TMPRSS15: variants seen among roughly 807,000 people sequenced by gnomAD.
TMPRSS15 encodes the protein transmembrane serine protease 15.
TMPRSS15 carries 128 observed loss-of-function variants against 125.3 expected under a neutral mutation model. The observed-to-expected ratio is 1.02, with a 90% CI of 0.89 to 1.18. The LOEUF (loss-of-function observed/expected upper bound fraction) is 1.18. Among genes scored for constraint, TMPRSS15 ranks in the 50% most tolerant of loss-of-function variants. The pLI, the probability that TMPRSS15 is intolerant of heterozygous loss-of-function variation, is 0.00. For missense variants in TMPRSS15, 1,283 were observed against 1,212.7 expected (o/e 1.06, Z -0.86); for synonymous variants, 446 against 423.2 (o/e 1.05, Z -0.66).
intron 5 of TMPRSS15, among the ~76,000 whole-genome samples, chr21:18,376,478 C>T (rs2075844812): frequency 1.3e-5 from 2 of 152,202 alleles, no homozygotes; most frequent in African/African-American, 4.8e-5. Context: ...TGTTTTGGCC[C>T]AATTTCATGT....
At position 18,313,909 on chromosome 21, in the gene TMPRSS15, A is replaced by T. The variant is rs1174166883; in HGVS notation, c.2033-832T>A. Among the ~76,000 whole-genome samples the T allele has an allele frequency of 2.0e-5, 3 of 147,320 alleles. No homozygotes were observed. The East Asian group carries it at 6.0e-4, about 29-fold the overall frequency. ...CCTCCCCACCAAAAAAAAAAAAAAA[A>T]CCACTTTCTTTGTACTTGCTTTTAT... is the stretch of plus-strand genomic sequence containing the variant. On this transcript the variant is annotated intron_variant, in intron 17 of 24. Coordinates refer to ENST00000284885, the MANE Select transcript of TMPRSS15 (RefSeq NM_002772.3).
chr21:18,307,690 TA>T (rs1001442975), intron 18 of TMPRSS15, among the ~76,000 whole-genome samples: 8 of 152,168 alleles, frequency 5.3e-5, no homozygotes, highest in Non-Finnish European at 1.0e-4. Context: ...GATATACTGT[TA>T]AAATGTAATA....
chr21:18,285,243 C>T (rs2074748953), intron 21 of TMPRSS15, among the ~76,000 whole-genome samples: 1 of 152,008 alleles, frequency 6.6e-6, no homozygotes, highest in South Asian at 2.1e-4. Flanking sequence ...CTAGTGGTAC[C>T]TCAGATATAT....
intron 1 of TMPRSS15, among the ~76,000 whole-genome samples, chr21:18,456,388 G>T (rs1377291729): frequency 6.6e-6 from 1 of 152,052 alleles, no homozygotes; most frequent in African/African-American, 2.4e-5. Context: ...TTAAGTTACT[G>T]ATTAAAATGA....
chr21:18,315,162 T>C lies in TMPRSS15; in HGVS notation c.2016A>G (p.Ser672=). The C allele has an allele frequency of 6.2e-7, 1 of 1,613,390 alleles. No homozygotes were observed. The highest frequency in any genetic ancestry group is 8.5e-7 in the Non-Finnish European group (1 of 1,179,638). The change falls in exon 17 of 25, where the codon TCA becomes TCG. Residue 672 remains serine (S), a synonymous_variant. Transcript: ENST00000284885. ...CDGHLHCEDG[S]DEADCVRFFN... ...AAGACATACCACAATCTGCTTCATC[T>C]GAGCCATCCTCACAGTGCAGATGAC... is the stretch of plus-strand genomic sequence containing the variant.
intron 13 of TMPRSS15, 83 bp from the exon 14 acceptor site, chr21:18,332,256 T>C: frequency 1.6e-6 from 2 of 1,221,564 alleles, no homozygotes; most frequent in East Asian, 2.3e-5. Context: ...GAATTTTCAA[T>C]TACATTTCTT....
chr21:18,411,943 G>A (rs775023962), intron 1 of TMPRSS15, among the ~76,000 whole-genome samples: 1 of 152,136 alleles, frequency 6.6e-6, no homozygotes, highest in Non-Finnish European at 1.5e-5. Flanking sequence ...ACCAGGCTGG[G>A]AAAGATTGCT....
In TMPRSS15 at chr21:18,278,968, A is replaced by G; in HGVS notation, c.2760T>C (p.Tyr920=). 2.4e-6 allele frequency: 2 copies of G among 836,188 alleles called. No individual in the cohort carries two copies. Among genetic ancestry groups the G allele is most frequent in the Non-Finnish European group, 3.6e-6 (2 of 549,618 alleles). The allele number at this position is 836,188 out of a possible 1,614,324, so 51.8% of individuals were successfully genotyped here. A position where few individuals can be genotyped will look rare whatever the true frequency, so the allele number is the denominator to read the frequency against. Residue 920 remains tyrosine, a synonymous_variant, in exon 23 of 25, where the codon TAT becomes TAC. Transcript: ENST00000284885. ...TTTTTGAGTCTGATAATTTACCTTG[A>G]TATACAACCGTCCCCCAACCAGCAA... ...CSIAGWGTVV[Y]QGTTANILQE...
chr21:18,426,436 C>T (rs1286908234), intron 1 of TMPRSS15, among the ~76,000 whole-genome samples: 1 of 152,116 alleles, frequency 6.6e-6, no homozygotes, highest in Non-Finnish European at 1.5e-5. Flanking sequence ...TCAATTACCT[C>T]CACTTTCTGA....
rs9984755 is a variant in TMPRSS15 at position 18,410,260 on chromosome 21, G to T, written c.11-11931C>A. Reference sequence around the variant, plus strand: ...ATTTTGTTAAAAATCCTGTACAAAGGTTCCTTTGTACTAATGTGAGGTTTA... The same window carrying T: ...ATTTTGTTAAAAATCCTGTACAAAGTTTCCTTTGTACTAATGTGAGGTTTA... On this transcript the variant is annotated intron_variant, in intron 1 of 7. Transcript: ENST00000422787. 2.1e-4 allele frequency among the ~76,000 whole-genome samples: 32 copies of T among 151,764 alleles called. No individual in the cohort carries two copies. The East Asian group carries it at 4.1e-3, about 19-fold the overall frequency.
At chr21:18,478,671 G>C (rs9637048) in intron 1 of TMPRSS15, among the ~76,000 whole-genome samples, 78,983 of 151,610 alleles carry the variant, frequency 0.52, 21,154 homozygotes, top group East Asian at 0.93. Flanking sequence ...CTCAGTCTTC[G>C]CTTGTTTCCT....
Position 18,307,185 on chromosome 21 carries a change from T to C in TMPRSS15, c.2165+5760A>G, listed in dbSNP as rs893943530. ...TTACTAGAGCACTATGGAGACTATT[T>C]AATAAGCACAGGCTCAAAGATTAAA... On this transcript the variant is annotated intron_variant, in intron 18 of 24. Coordinates refer to ENST00000284885, the MANE Select transcript of TMPRSS15 (RefSeq NM_002772.3). 2.2e-4 allele frequency among the ~76,000 whole-genome samples: 33 copies of C among 152,350 alleles called. No homozygotes were observed. In the East Asian group the frequency reaches 6.0e-3, roughly 28 times the overall value.
chr21:18,396,478 G>A (rs2076037251), intron 3 of TMPRSS15, among the ~76,000 whole-genome samples: 1 of 152,046 alleles, frequency 6.6e-6, no homozygotes, highest in Non-Finnish European at 1.5e-5. Context: ...GAGTGAATAA[G>A]AAAATACATC....
intron 1 of TMPRSS15, among the ~76,000 whole-genome samples, chr21:18,431,857 T>C (rs1263942828): frequency 6.6e-6 from 1 of 152,170 alleles, no homozygotes; most frequent in African/African-American, 2.4e-5. Flanking sequence ...AAATTACCTT[T>C]GGTAAATGCA....
intron 23 of TMPRSS15, among the ~76,000 whole-genome samples, chr21:18,278,215 A>T (rs1388295683): frequency 6.6e-6 from 1 of 152,134 alleles, no homozygotes; most frequent in African/African-American, 2.4e-5. Context: ...GACAGGTAAT[A>T]ATTTGGCTTT....
chr21:18,478,445 G>C (rs144326674), intron 1 of TMPRSS15, among the ~76,000 whole-genome samples: 103 of 151,962 alleles, frequency 6.8e-4, no homozygotes, highest in African/African-American at 2.2e-3. Context: ...AAGTTCTGTT[G>C]TACCCCTCTT....
chr21:18,419,220 CT>C (rs540004490), intron 1 of TMPRSS15, among the ~76,000 whole-genome samples: 1,309 of 108,604 alleles, frequency 0.012, 6 homozygotes, highest in African/African-American at 0.034. Context: ...GACATTTCCT[CT>C]TTTTTTTTTT....
intron 6 of TMPRSS15, among the ~76,000 whole-genome samples, chr21:18,366,264 G>A (rs1250683778): frequency 6.6e-6 from 1 of 152,134 alleles, no homozygotes; most frequent in Non-Finnish European, 1.5e-5. Context: ...GAAAATGTTA[G>A]TACTAGTGGC....
chr21:18,282,595 CA>C (rs1486095723), intron 21 of TMPRSS15, among the ~76,000 whole-genome samples: 1 of 152,184 alleles, frequency 6.6e-6, no homozygotes, highest in Non-Finnish European at 1.5e-5. Flanking sequence ...AGCGTCCAAG[CA>C]TTCAGTAAAG....
Sources: gnomAD v4.1 joint callset for allele counts (sites outside exome capture counted in the v4.1 genomes callset) on GRCh38, gnomAD v4.1.1 for gene constraint, MANE v1.5 for transcripts, NCBI Gene and HGNC (gene_info 2026-07-23, HGNC 2026-07-21) for gene names.